SCN10A: variants seen among roughly 807,000 people sequenced by gnomAD.
SCN10A encodes sodium channel protein type 10 subunit alpha.
In SCN10A, 162 loss-of-function variants were observed where a neutral mutation model predicts 170.7. The observed-to-expected ratio is 0.95, with a 90% CI of 0.84 to 1.08. The LOEUF is 1.08. SCN10A is among the 50% of genes least tolerant of loss of function. The pLI, the probability that SCN10A is intolerant of heterozygous loss-of-function variation, is 0.00. For missense variants in SCN10A, 2,527 were observed against 2,436.9 expected (o/e 1.04, Z -0.78); for synonymous variants, 985 against 904.6 (o/e 1.09, Z -1.59).
intron 13 of SCN10A, among the ~76,000 whole-genome samples, 196 bp from the exon 14 acceptor site, chr3:38,742,725 C>A (rs568058428): frequency 6.6e-6 from 1 of 152,250 alleles, no homozygotes; most frequent in Admixed American, 6.5e-5. Flanking sequence ...TAATATCTGC[C>A]CCATCCAGTC....
At chr3:38,752,161 G>C in intron 12 of SCN10A, 58 bp downstream of exon 12, 2 of 1,424,700 alleles carry the variant, frequency 1.4e-6, no homozygotes, top group Non-Finnish European at 1.9e-6. Context: ...AGGCTTCTTG[G>C]CTCAAGGCTT....
At chr3:38,767,893 T>C (rs990131717) in intron 5 of SCN10A, among the ~76,000 whole-genome samples, 2 of 152,168 alleles carry the variant, frequency 1.3e-5, no homozygotes, top group Non-Finnish European at 2.9e-5. Context: ...GGTCTAGTAG[T>C]AATTGTTTTA....
At chr3:38,720,959 C>T (rs1426903147) in intron 20 of SCN10A, among the ~76,000 whole-genome samples, 2 of 152,344 alleles carry the variant, frequency 1.3e-5, no homozygotes, top group Non-Finnish European at 2.9e-5. Flanking sequence ...TGGACAATCA[C>T]TGCCCTGTGC....
chr3:38,793,142 A>G (rs1041706045), intron 2 of SCN10A, among the ~76,000 whole-genome samples: 1 of 152,132 alleles, frequency 6.6e-6, no homozygotes, highest in Admixed American at 6.6e-5. Context: ...AAACACGGGA[A>G]TATACAGGCA....
At chr3:38,706,912 C>T (rs891799157) in intron 26 of SCN10A, among the ~76,000 whole-genome samples, 13 of 152,034 alleles carry the variant, frequency 8.6e-5, no homozygotes, top group East Asian at 1.9e-4. Flanking sequence ...AGATCTACTG[C>T]GACCTAGACC....
At chr3:38,773,199 G>A (rs2064030317) in intron 4 of SCN10A, among the ~76,000 whole-genome samples, 1 of 152,160 alleles carries the variant, frequency 6.6e-6, no homozygotes, top group Non-Finnish European at 1.5e-5. Flanking sequence ...GGGCATGGTG[G>A]TATGTACCTG....
Position 38,739,606 on chromosome 3 carries a change from T to C in SCN10A, c.2189A>G (p.Asn730Ser), listed in dbSNP as rs2063608703. The C allele has an allele frequency of 1.2e-6, 2 of 1,614,122 alleles. No homozygotes were observed. The highest frequency in any genetic ancestry group is 8.5e-7 in the Non-Finnish European group (1 of 1,179,968). Reference sequence around the variant, plus strand: ...AGTGACGATGATGCAGTCAAAGATATTCCACTTCTTCTGGAAATAATAGTA... The same window carrying C: ...AGTGACGATGATGCAGTCAAAGATACTCCACTTCTTCTGGAAATAATAGTA... ...DPYYYFQKKW[N>S]IFDCIIVTVS... Residue 730 changes from asparagine (N) to serine (S), a missense_variant, in exon 15 of 28, where the codon AAT becomes AGT. Transcript: ENST00000449082.
At chr3:38,735,455 T>C (rs979600096) in intron 15 of SCN10A, among the ~76,000 whole-genome samples, 3 of 152,216 alleles carry the variant, frequency 2.0e-5, no homozygotes, top group Admixed American at 6.5e-5. Context: ...ACTATCTTCA[T>C]AGATCAGAAG....
At chr3:38,769,317 C>T (rs1350426007) in intron 5 of SCN10A, among the ~76,000 whole-genome samples, 1 of 146,880 alleles carries the variant, frequency 6.8e-6, no homozygotes, top group Non-Finnish European at 1.5e-5. Flanking sequence ...CAGCTCACCG[C>T]AACCTCTGCC....
intron 21 of SCN10A, among the ~76,000 whole-genome samples, chr3:38,716,490 A>G (rs959761762): frequency 6.6e-6 from 1 of 152,142 alleles, no homozygotes; most frequent in Admixed American, 6.5e-5. Flanking sequence ...TCCTTTTGCC[A>G]TGATTGTAAG....
intron 1 of SCN10A, among the ~76,000 whole-genome samples, chr3:38,814,303 T>C (rs1473228499): frequency 2.6e-5 from 4 of 151,784 alleles, no homozygotes; most frequent in Non-Finnish European, 4.4e-5. Flanking sequence ...GGCTCAGGAG[T>C]TGGGGACACT....
chr3:38,720,231 T>G (rs1320317182), intron 20 of SCN10A, among the ~76,000 whole-genome samples: 2 of 152,226 alleles, frequency 1.3e-5, no homozygotes, highest in Non-Finnish European at 2.9e-5. Flanking sequence ...TCAATGTGTA[T>G]TAGAAGTAAA....
chr3:38,715,636 A>T (rs921748451), intron 21 of SCN10A, among the ~76,000 whole-genome samples: 1 of 152,126 alleles, frequency 6.6e-6, no homozygotes. Flanking sequence ...GGTCCTGCTC[A>T]TTTCTATGCC....
intron 1 of SCN10A, among the ~76,000 whole-genome samples, chr3:38,797,245 T>C (rs940318529): frequency 6.6e-6 from 1 of 152,130 alleles, no homozygotes; most frequent in African/African-American, 2.4e-5. Context: ...ACACTGCTTA[T>C]TGTCACCAGC....
chr3:38,793,737 T>G lies in SCN10A; in HGVS notation c.270+4A>C. 1 of 1,611,350 alleles carries G rather than the reference T, an allele frequency of 6.2e-7. No individual in the cohort carries two copies. The highest frequency in any genetic ancestry group is 8.5e-7 in the Non-Finnish European group (1 of 1,178,054). On this transcript the variant is annotated splice_donor_region_variant and intron_variant, in intron 2 of 27. Coordinates refer to ENST00000449082, the MANE Select transcript of SCN10A (RefSeq NM_006514.4). Reference sequence around the variant, plus strand: ...GAGCAGACATTCCTACTAGTAGCTCTTACCCGGTGTGTGCTGTAGAACGGA... The same window carrying G: ...GAGCAGACATTCCTACTAGTAGCTCGTACCCGGTGTGTGCTGTAGAACGGA...
At chr3:38,783,251 T>C (rs895329338) in intron 4 of SCN10A, among the ~76,000 whole-genome samples, 9 of 152,176 alleles carry the variant, frequency 5.9e-5, no homozygotes, top group Admixed American at 5.9e-4. Flanking sequence ...CAACTACCCA[T>C]GCCATAAAAT....
intron 8 of SCN10A, among the ~76,000 whole-genome samples, chr3:38,759,426 G>A (rs1016369290): frequency 3.3e-5 from 5 of 152,106 alleles, no homozygotes; most frequent in Non-Finnish European, 7.4e-5. Flanking sequence ...CATCCTACCT[G>A]CCCTTGAAAG....
At chr3:38,779,544 A>G (rs1486475610) in intron 4 of SCN10A, among the ~76,000 whole-genome samples, 2 of 151,934 alleles carry the variant, frequency 1.3e-5, no homozygotes, top group East Asian at 1.9e-4. Flanking sequence ...TTTTATAATT[A>G]TTAACTTCTT....
At chr3:38,813,804 C>T (rs1314669771) in intron 1 of SCN10A, among the ~76,000 whole-genome samples, 2 of 152,196 alleles carry the variant, frequency 1.3e-5, no homozygotes, top group African/African-American at 4.8e-5. Flanking sequence ...ATTAATAGTT[C>T]TAAGCCTCTC....
Sources: gnomAD v4.1 joint callset for allele counts (sites outside exome capture counted in the v4.1 genomes callset) on GRCh38, gnomAD v4.1.1 for gene constraint, MANE v1.5 for transcripts, NCBI Gene and HGNC (gene_info 2026-07-23, HGNC 2026-07-21) for gene names.